GPC5: variants seen among roughly 807,000 people sequenced by gnomAD.
The protein encoded by GPC5 is glypican-5.
In GPC5, 47 loss-of-function variants were observed where a neutral mutation model predicts 53.9. The observed-to-expected ratio is 0.87, with a 90% CI of 0.69 to 1.11. The LOEUF is 1.11. Among genes scored for constraint, GPC5 ranks in the 50% most tolerant of loss-of-function variants. The probability of loss-of-function intolerance (pLI) is 0.00; values close to 1 mark genes in which losing one functional copy is unlikely to be tolerated. For missense variants in GPC5, 748 were observed against 713.1 expected (o/e 1.05, Z -0.56); for synonymous variants, 286 against 263.3 (o/e 1.09, Z -0.84).
intron 2 of GPC5, among the ~76,000 whole-genome samples, chr13:91,588,814 C>A (rs1243429726): frequency 1.3e-5 from 2 of 152,094 alleles, no homozygotes; most frequent in Non-Finnish European, 2.9e-5. Context: ...CACTTTCTTT[C>A]CAGCCTATAA....
intron 1 of GPC5, among the ~76,000 whole-genome samples, chr13:91,412,665 T>C (rs889830311): frequency 1.3e-5 from 2 of 152,226 alleles, no homozygotes; most frequent in African/African-American, 4.8e-5. Context: ...CTCAGGAATA[T>C]GACGTTATCA....
intron 6 of GPC5, among the ~76,000 whole-genome samples, chr13:91,933,294 T>G (rs1440165826): frequency 6.6e-6 from 1 of 151,990 alleles, no homozygotes; most frequent in African/African-American, 2.4e-5. Flanking sequence ...ACTGTTGTTT[T>G]AACATGAAAT....
intron 7 of GPC5, among the ~76,000 whole-genome samples, chr13:92,289,558 CA>C (rs1377699476): frequency 2.0e-5 from 3 of 151,820 alleles, no homozygotes; most frequent in Non-Finnish European, 4.4e-5. Flanking sequence ...ATATATACTG[CA>C]ATATGTTTAT....
chr13:91,562,453 C>T (rs2031320844), intron 2 of GPC5, among the ~76,000 whole-genome samples: 1 of 151,690 alleles, frequency 6.6e-6, no homozygotes, highest in Non-Finnish European at 1.5e-5. Flanking sequence ...TTAAACCATT[C>T]TTTCTTTTAA....
intron 6 of GPC5, among the ~76,000 whole-genome samples, chr13:92,029,361 G>C (rs2040823801): frequency 6.6e-6 from 1 of 152,188 alleles, no homozygotes; most frequent in Admixed American, 6.5e-5. Flanking sequence ...TATTTGGCTT[G>C]CGTTGTCACA....
At chr13:91,680,818 C>T (rs958439005) in intron 2 of GPC5, among the ~76,000 whole-genome samples, 13 of 152,134 alleles carry the variant, frequency 8.5e-5, no homozygotes, top group African/African-American at 3.1e-4. Context: ...GAATATAGCT[C>T]TTTTCTATTA....
intron 7 of GPC5, among the ~76,000 whole-genome samples, chr13:92,711,686 G>C (rs1439860804): frequency 6.6e-6 from 1 of 151,804 alleles, no homozygotes; most frequent in East Asian, 1.9e-4. Flanking sequence ...TTAAATCTTT[G>C]ACCATAAAAA....
At chr13:91,719,274 C>T (rs1467385578) in intron 3 of GPC5, among the ~76,000 whole-genome samples, 1 of 152,242 alleles carries the variant, frequency 6.6e-6, no homozygotes, top group Non-Finnish European at 1.5e-5. Flanking sequence ...GGCCTGCCTC[C>T]ACAGATGTGC....
At chr13:91,567,939 G>A (rs2138970836) in intron 2 of GPC5, among the ~76,000 whole-genome samples, 1 of 152,218 alleles carries the variant, frequency 6.6e-6, no homozygotes, top group East Asian at 1.9e-4. Flanking sequence ...GGATAATGGG[G>A]GCAGTTTCTC....
chr13:91,848,203 A>G (rs1419321596), intron 5 of GPC5, among the ~76,000 whole-genome samples: 2 of 152,192 alleles, frequency 1.3e-5, no homozygotes, highest in African/African-American at 4.8e-5. Flanking sequence ...CCTTACTCTC[A>G]CCTTGAAAAC....
intron 1 of GPC5, among the ~76,000 whole-genome samples, chr13:91,409,817 A>G (rs1048005733): frequency 6.6e-6 from 1 of 152,180 alleles, no homozygotes; most frequent in African/African-American, 2.4e-5. Flanking sequence ...CTGGTTACTT[A>G]GCATAATTCC....
chr13:91,830,721 T>C (rs2038641574), intron 5 of GPC5, among the ~76,000 whole-genome samples: 1 of 145,988 alleles, frequency 6.8e-6, no homozygotes, highest in Non-Finnish European at 1.5e-5. Context: ...ATAGGATATA[T>C]ATATATGTGT....
intron 5 of GPC5, among the ~76,000 whole-genome samples, chr13:91,790,674 G>C (rs1449192002): frequency 6.6e-6 from 1 of 152,194 alleles, no homozygotes; most frequent in Non-Finnish European, 1.5e-5. Context: ...CTGATAGAGT[G>C]TGATAAACTG....
chr13:92,571,783 A>G (rs1176873822), intron 7 of GPC5, among the ~76,000 whole-genome samples: 1 of 152,188 alleles, frequency 6.6e-6, no homozygotes, highest in Non-Finnish European at 1.5e-5. Context: ...GTGAGCTTGT[A>G]ATCCCAGCAC....
intron 5 of GPC5, among the ~76,000 whole-genome samples, chr13:91,759,929 T>C (rs1306259283): frequency 6.6e-6 from 1 of 152,104 alleles, no homozygotes; most frequent in Non-Finnish European, 1.5e-5. Flanking sequence ...TTAATATTGG[T>C]TCTGCATAGA....
intron 6 of GPC5, among the ~76,000 whole-genome samples, chr13:92,098,852 T>A (rs1014429109): frequency 9.9e-5 from 15 of 152,190 alleles, no homozygotes; most frequent in African/African-American, 3.1e-4. Flanking sequence ...GAGACAGATA[T>A]TGGACACCTA....
At chr13:92,111,033 G>T (rs1420701524) in intron 6 of GPC5, among the ~76,000 whole-genome samples, 1 of 152,052 alleles carries the variant, frequency 6.6e-6, no homozygotes, top group Non-Finnish European at 1.5e-5. Flanking sequence ...CTTTCCAACT[G>T]GCAAAATGTT....
chr13:92,337,224 A>G (rs1045526233), intron 7 of GPC5, among the ~76,000 whole-genome samples: 1 of 151,948 alleles, frequency 6.6e-6, no homozygotes, highest in Non-Finnish European at 1.5e-5. Context: ...AGAAATAGGT[A>G]CACATTGAAC....
At chr13:92,471,841 G>C (rs1266483072) in intron 7 of GPC5, among the ~76,000 whole-genome samples, 3 of 152,134 alleles carry the variant, frequency 2.0e-5, no homozygotes, top group Admixed American at 6.6e-5. Flanking sequence ...GATTCACAAT[G>C]AGACTCAAAA....
Sources: gnomAD v4.1 joint callset for allele counts (sites outside exome capture counted in the v4.1 genomes callset) on GRCh38, gnomAD v4.1.1 for gene constraint, MANE v1.5 for transcripts, NCBI Gene and HGNC (gene_info 2026-07-23, HGNC 2026-07-21) for gene names.